SAMMSON: variants seen among roughly 807,000 people sequenced by gnomAD.
The protein encoded by SAMMSON is long intergenic non-protein coding RNA 1212.
chr3:70,085,007 G>A (rs1289342182), intron 4 of SAMMSON, among the ~76,000 whole-genome samples: 1 of 152,166 alleles, frequency 6.6e-6, no homozygotes, highest in Non-Finnish European at 1.5e-5. Flanking sequence ...GGTGGATGTA[G>A]GTGAGTTCTG....
intron 7 of SAMMSON, among the ~76,000 whole-genome samples, chr3:70,293,956 G>T (rs72945362): frequency 0.034 from 5,101 of 152,072 alleles, 263 homozygotes; most frequent in African/African-American, 0.11. Context: ...GACAGAGGGA[G>T]CATACAAGCA....
chr3:70,289,156 G>A (rs1226441794), intron 6 of SAMMSON, among the ~76,000 whole-genome samples: 3 of 150,734 alleles, frequency 2.0e-5, no homozygotes, highest in Admixed American at 6.6e-5. Flanking sequence ...TCCTAGTCTC[G>A]ATGGTCTTTA....
intron 3 of SAMMSON, among the ~76,000 whole-genome samples, chr3:70,017,968 T>C (rs374617579): frequency 2.0e-4 from 31 of 152,188 alleles, no homozygotes; most frequent in East Asian, 9.7e-4. Context: ...TTTTGATGTG[T>C]TGCTGGATTT....
intron 3 of SAMMSON, among the ~76,000 whole-genome samples, chr3:70,040,880 C>G (rs955920991): frequency 6.6e-6 from 1 of 152,058 alleles, no homozygotes; most frequent in African/African-American, 2.4e-5. Context: ...AATGGAAAAC[C>G]TGCTGCACCT....
At chr3:70,186,505 G>T (rs771670706) in intron 4 of SAMMSON, among the ~76,000 whole-genome samples, 1 of 151,686 alleles carries the variant, frequency 6.6e-6, no homozygotes, top group Non-Finnish European at 1.5e-5. Context: ...TAAAATATTG[G>T]GCTTAAGTGA....
chr3:70,415,896 T>C (rs180728009), intron 2 of SAMMSON, among the ~76,000 whole-genome samples: 1 of 152,318 alleles, frequency 6.6e-6, no homozygotes, highest in African/African-American at 2.4e-5. Flanking sequence ...TTAGTTTACA[T>C]TTCACATTTT....
chr3:70,165,539 C>T (rs1387099703), intron 4 of SAMMSON, among the ~76,000 whole-genome samples: 1 of 151,916 alleles, frequency 6.6e-6, no homozygotes, highest in Non-Finnish European at 1.5e-5. Flanking sequence ...TTTCAGCCTC[C>T]AGAACCATAA....
At chr3:70,237,306 C>T (rs1340153413) in intron 4 of SAMMSON, among the ~76,000 whole-genome samples, 1 of 152,170 alleles carries the variant, frequency 6.6e-6, no homozygotes, top group African/African-American at 2.4e-5. Context: ...ATAGACAGAC[C>T]TCTATTAATG....
intron 3 of SAMMSON, among the ~76,000 whole-genome samples, chr3:70,065,593 T>C (rs1158087223): frequency 1.3e-5 from 2 of 152,116 alleles, no homozygotes; most frequent in African/African-American, 4.8e-5. Context: ...GTATCCACTC[T>C]ACTGCAAGAG....
At chr3:70,218,733 G>T (rs140155338) in intron 4 of SAMMSON, among the ~76,000 whole-genome samples, 4 of 152,026 alleles carry the variant, frequency 2.6e-5, no homozygotes, top group Non-Finnish European at 5.9e-5. Context: ...GAGACACAAG[G>T]ATTTGAGCTA....
chr3:70,185,174 C>T (rs532842983), intron 4 of SAMMSON, among the ~76,000 whole-genome samples: 1 of 152,246 alleles, frequency 6.6e-6, no homozygotes, highest in East Asian at 1.9e-4. Flanking sequence ...AAGTTTTAAG[C>T]ATCAGACTCC....
At chr3:70,038,513 A>G (rs1374708882) in intron 3 of SAMMSON, among the ~76,000 whole-genome samples, 1 of 152,136 alleles carries the variant, frequency 6.6e-6, no homozygotes, top group Non-Finnish European at 1.5e-5. Context: ...ACCCAGTCTC[A>G]GGTATTTGGT....
At chr3:70,267,610 G>A (rs1385427599) in intron 6 of SAMMSON, among the ~76,000 whole-genome samples, 2 of 147,698 alleles carry the variant, frequency 1.4e-5, no homozygotes, top group African/African-American at 2.5e-5. Context: ...TAAAGACGGG[G>A]TTTCACCCTG....
chr3:70,104,118 G>A (rs1406199977), intron 4 of SAMMSON, among the ~76,000 whole-genome samples: 1 of 151,152 alleles, frequency 6.6e-6, no homozygotes, highest in African/African-American at 2.4e-5. Context: ...TGATTTTTCT[G>A]CTTTTTATTA....
chr3:70,150,141 G>A (rs2067565465), intron 4 of SAMMSON, among the ~76,000 whole-genome samples: 2 of 151,802 alleles, frequency 1.3e-5, no homozygotes, highest in South Asian at 2.1e-4. Context: ...GAGGTTTTTC[G>A]AACCAAAAGT....
At position 70,045,043 on chromosome 3, in the gene SAMMSON, A is replaced by T. The variant is rs545468773; in HGVS notation, n.418-26433A>T. Among the ~76,000 whole-genome samples, 404 of 121,918 alleles carry T rather than the reference A, an allele frequency of 3.3e-3. 3 individuals carry two copies. The highest frequency in any genetic ancestry group is 5.0e-3 in the Non-Finnish European group (313 of 63,052). The allele number at this position is 121,918 out of a possible 152,430, so 80.0% of individuals were successfully genotyped here. A position where few individuals can be genotyped will look rare whatever the true frequency, so the allele number is the denominator to read the frequency against. On this transcript the variant is annotated intron_variant and non_coding_transcript_variant, in intron 3 of 9. Coordinates refer to ENST00000642114, the Ensembl canonical transcript of SAMMSON. ...TTAATTATAATATATATTATAATTA[A>T]TATATATAATTAATTATAATATATA...
chr3:70,322,153 CAT>C (rs1210190908), intron 7 of SAMMSON, among the ~76,000 whole-genome samples: 1 of 151,974 alleles, frequency 6.6e-6, no homozygotes, highest in Admixed American at 6.6e-5. Flanking sequence ...AATAAGAAAA[CAT>C]TGATTTATTG....
intron 4 of SAMMSON, among the ~76,000 whole-genome samples, chr3:70,117,779 T>G (rs899659193): frequency 3.3e-5 from 5 of 152,334 alleles, no homozygotes; most frequent in Non-Finnish European, 5.9e-5. Context: ...GATAATTGTT[T>G]AGATACATAA....
chr3:70,067,042 T>A (rs969655887), intron 3 of SAMMSON, among the ~76,000 whole-genome samples: 1 of 152,108 alleles, frequency 6.6e-6, no homozygotes, highest in African/African-American at 2.4e-5. Flanking sequence ...AGGAAAACAC[T>A]TTTTAGTAGT....
Sources: gnomAD v4.1 joint callset for allele counts (sites outside exome capture counted in the v4.1 genomes callset) on GRCh38, gnomAD v4.1.1 for gene constraint, MANE v1.5 for transcripts, NCBI Gene and HGNC (gene_info 2026-07-23, HGNC 2026-07-21) for gene names.